Variants in FAXC observed in about 807,000 individuals in gnomAD.
The protein encoded by FAXC is failed axon connections homolog.
Under a neutral mutation model 41.9 loss-of-function variants are expected in FAXC, and 10 were observed. The ratio of observed to expected loss-of-function variants is 0.24; its 90% CI spans 0.15 to 0.41. The LOEUF is 0.41. Ranked by LOEUF, FAXC falls within the 10% of genes least tolerant of loss-of-function variation. The probability of loss-of-function intolerance (pLI) is 1.00; values close to 1 mark genes in which losing one functional copy is unlikely to be tolerated. For synonymous variants in FAXC, 183 were observed against 183.8 expected (o/e 1.00, Z 0.03); for missense variants, 399 against 510.9 (o/e 0.78, Z 2.11).
chr6:99,318,428 A>G (rs1772459932), intron 4 of FAXC, among the ~76,000 whole-genome samples: 2 of 150,058 alleles, frequency 1.3e-5, no homozygotes, highest in African/African-American at 5.1e-5. Flanking sequence ...AATGGGTTAG[A>G]AGATTACAGC....
At chr6:99,332,824 A>G (rs1773077946) in intron 3 of FAXC, among the ~76,000 whole-genome samples, 1 of 152,188 alleles carries the variant, frequency 6.6e-6, no homozygotes, top group Non-Finnish European at 1.5e-5. Context: ...AACAGTTTAT[A>G]CAGTATTGGT....
At position 99,273,418 on chromosome 6, in the gene FAXC, C is replaced by A. The variant is rs974445408; in HGVS notation, c.*7746G>T. 7.9e-5 allele frequency: 12 copies of A among 151,460 alleles called. No individual in the cohort carries two copies. Among genetic ancestry groups the A allele is most frequent in the African/African-American group, 2.9e-4 (12 of 41,148 alleles). 9.4% of individuals were successfully genotyped at this position (151,460 alleles called of 1,614,324 possible). The stretch of plus-strand genomic sequence containing the variant: ...TGTTTTTCAGATTGATGCTGAAATT[C>A]ACAGACAATACATCCTGCATTTGCA... On this transcript the variant is annotated 3_prime_UTR_variant, in exon 6 of 6. Transcript: ENST00000389677.
At position 99,327,854 on chromosome 6, in the gene FAXC, T is replaced by G. The variant is rs370273940; in HGVS notation, c.600-4187A>C. Among the ~76,000 whole-genome samples the G allele has an allele frequency of 1.5e-3, 227 of 152,268 alleles. 2 individuals carry two copies. Among genetic ancestry groups the G allele is most frequent in the Middle Eastern group, 0.01 (3 of 294 alleles). ...CCTGACAGCCAGTCACCCTGTGAAT[T>G]TGCCCTTTCTCCAACTCTATAAACA... On this transcript the variant is annotated intron_variant, in intron 3 of 5. Transcript: ENST00000389677.
At chr6:99,300,488 A>G (rs1406022106) in intron 4 of FAXC, among the ~76,000 whole-genome samples, 1 of 152,146 alleles carries the variant, frequency 6.6e-6, no homozygotes, top group African/African-American at 2.4e-5. Context: ...AGTTTTACCA[A>G]CTCACTGATG....
At chr6:99,305,091 G>A (rs545464233) in intron 4 of FAXC, among the ~76,000 whole-genome samples, 13 of 152,280 alleles carry the variant, frequency 8.5e-5, no homozygotes, top group Admixed American at 3.9e-4. Flanking sequence ...AGGCACATAC[G>A]GGGAAAAAGA....
In FAXC at chr6:99,313,817, C is replaced by T. The variant is rs371155962; in HGVS notation, c.823+9627G>A. Among the ~76,000 whole-genome samples, 8 of 152,246 alleles carry T rather than the reference C, an allele frequency of 5.3e-5. 1 individual carries two copies. Among genetic ancestry groups the T allele is most frequent in the Non-Finnish European group, 7.3e-5 (5 of 68,028 alleles). ...CCATTTATTGAATGAATTTGTCTTT[C>T]CTCCACTGATCACGGCTGCCTTTAT... is the stretch of plus-strand genomic sequence containing the variant. On this transcript the variant is annotated intron_variant, in intron 4 of 5. Coordinates refer to ENST00000389677, the MANE Select transcript of FAXC (RefSeq NM_032511.4).
In FAXC at chr6:99,289,982, A is replaced by C. The variant is rs555040051; in HGVS notation, c.940+1722T>G. 3.3e-5 allele frequency among the ~76,000 whole-genome samples: 5 copies of C among 152,198 alleles called. No individual in the cohort carries two copies. The East Asian group carries it at 9.7e-4, about 29-fold the overall frequency. ...ATATGGACAGCCCAGGAAGAGATCA[A>C]AATTCAAAGTATAGTTTCTACTGAA... On this transcript the variant is annotated intron_variant, in intron 5 of 5. Coordinates refer to ENST00000389677, the MANE Select transcript of FAXC (RefSeq NM_032511.4).
At chr6:99,339,526 G>A (rs749577729) in intron 2 of FAXC, among the ~76,000 whole-genome samples, 7 of 152,254 alleles carry the variant, frequency 4.6e-5, no homozygotes, top group Admixed American at 3.3e-4. Context: ...TGAATTATAC[G>A]ACATGAAGCA....
intron 2 of FAXC, 135 bp downstream of exon 2, chr6:99,342,763 G>A: frequency 1.4e-6 from 1 of 708,322 alleles, no homozygotes; most frequent in Non-Finnish European, 2.3e-6. Context: ...CTCTTACTAA[G>A]GATTAGGCAC....
chr6:99,330,141 C>T (rs754274698), intron 3 of FAXC, among the ~76,000 whole-genome samples: 20 of 151,924 alleles, frequency 1.3e-4, no homozygotes, highest in Admixed American at 4.6e-4. Flanking sequence ...ATTACAAGCA[C>T]GAGCCACCAC....
intron 3 of FAXC, among the ~76,000 whole-genome samples, chr6:99,330,717 G>A (rs191959858): frequency 1.6e-4 from 24 of 152,300 alleles, no homozygotes; most frequent in Admixed American, 9.2e-4. Flanking sequence ...CTGGCTATGT[G>A]AGTATAGACA....
intron 4 of FAXC, among the ~76,000 whole-genome samples, chr6:99,309,047 C>T (rs879789661): frequency 6.6e-6 from 1 of 152,120 alleles, no homozygotes; most frequent in Admixed American, 6.5e-5. Context: ...GCAGAACACA[C>T]ACTGGGAGAG....
At position 99,303,653 on chromosome 6, in the gene FAXC, T is replaced by A. The variant is rs146843319; in HGVS notation, c.824-11833A>T. 3.5e-4 allele frequency among the ~76,000 whole-genome samples: 54 copies of A among 152,356 alleles called. No homozygotes were observed. The East Asian group carries it at 7.9e-3, about 22-fold the overall frequency. ...CACCTAGTGTCTAATGCAACAAGAC[T>A]TCTCTTTTACCAACAACATGGGAGA... is the stretch of plus-strand genomic sequence containing the variant. On this transcript the variant is annotated intron_variant, in intron 4 of 5. Coordinates refer to ENST00000389677, the MANE Select transcript of FAXC (RefSeq NM_032511.4).
rs761999949 is a variant in FAXC at position 99,303,996 on chromosome 6, G to A, written c.824-12176C>T. ...ACAAAAGTTTATATTCAAAAAACACGGTCGGCCGGGTGTGGTGGCTCATGC... is the reference window on the plus strand; with the variant it reads ...ACAAAAGTTTATATTCAAAAAACACAGTCGGCCGGGTGTGGTGGCTCATGC... On this transcript the variant is annotated intron_variant, in intron 4 of 5. Transcript: ENST00000389677. Among the ~76,000 whole-genome samples, 19 of 152,106 alleles carry A rather than the reference G, an allele frequency of 1.2e-4. No homozygotes were observed. In the East Asian group the frequency reaches 1.5e-3, roughly 12 times the overall value.
rs1770733750 is a variant in FAXC at position 99,279,163 on chromosome 6, C to CCTTG, written c.*2000_*2001insCAAG. On this transcript the variant is annotated 3_prime_UTR_variant, in exon 6 of 6. Coordinates refer to ENST00000389677, the MANE Select transcript of FAXC (RefSeq NM_032511.4). ...GCTAGAGAGAGGGGAGGCAAACAGT[C>CCTTG]CTCCCAAATGATGCTGCAGCCTCAA... 1 of 152,160 alleles carries CCTTG rather than the reference C, an allele frequency of 6.6e-6. No individual in the cohort carries two copies. Among genetic ancestry groups the CCTTG allele is most frequent in the East Asian group, 1.9e-4 (1 of 5,186 alleles). 9.4% of individuals were successfully genotyped at this position (152,160 alleles called of 1,614,324 possible). A position where few individuals can be genotyped will look rare whatever the true frequency, so the allele number is the denominator to read the frequency against.
intron 2 of FAXC, among the ~76,000 whole-genome samples, chr6:99,338,883 A>G (rs187488521): frequency 3.0e-4 from 46 of 152,248 alleles, no homozygotes; most frequent in Middle Eastern, 6.8e-3. Context: ...TACCAGTTAT[A>G]AAGATTCCCT....
intron 2 of FAXC, among the ~76,000 whole-genome samples, chr6:99,340,666 C>CTTTT (rs61071426): frequency 1.0e-5 from 1 of 96,952 alleles, no homozygotes; most frequent in Non-Finnish European, 2.0e-5. Context: ...GCTAAAATTC[C>CTTTT]TTTTTTTTTT....
At chr6:99,335,172 G>A (rs1230032343) in intron 2 of FAXC, among the ~76,000 whole-genome samples, 4 of 152,004 alleles carry the variant, frequency 2.6e-5, no homozygotes, top group Admixed American at 2.6e-4. Context: ...CTTACCTCTA[G>A]ACCACCCTTT....
chr6:99,305,103 G>C (rs1771866538), intron 4 of FAXC, among the ~76,000 whole-genome samples: 1 of 152,176 alleles, frequency 6.6e-6, no homozygotes, highest in Admixed American at 6.5e-5. Flanking sequence ...GGAAAAAGAA[G>C]ATGAGGTTGG....
Sources: allele counts gnomAD v4.1 joint callset (sites outside exome capture counted in the v4.1 genomes callset), GRCh38; gene constraint gnomAD v4.1.1; transcripts MANE v1.5; gene names NCBI Gene and HGNC (gene_info 2026-07-23, HGNC 2026-07-21).